Variants in GALNT18 observed in about 807,000 individuals in gnomAD.
GALNT18 encodes the protein GalNAc-transferase 18.
Under a neutral mutation model 69.5 loss-of-function variants are expected in GALNT18, and 44 were observed. The ratio of observed to expected loss-of-function variants is 0.63; its 90% CI spans 0.50 to 0.81. The LOEUF (loss-of-function observed/expected upper bound fraction) is 0.81. Among genes scored for constraint, GALNT18 ranks in the 40% least tolerant of loss-of-function variants. The pLI is 0.00. For synonymous variants in GALNT18, 364 were observed against 318.2 expected, an observed-to-expected ratio of 1.14 and a Z score of -1.53; for missense variants, 715 against 810.0, an observed-to-expected ratio of 0.88 and a Z score of 1.42.
chr11:11,506,264 G>C (rs1386097846), intron 1 of GALNT18, among the ~76,000 whole-genome samples: 4 of 152,208 alleles, frequency 2.6e-5, no homozygotes, highest in Non-Finnish European at 5.9e-5. Context: ...ACATGGTTTT[G>C]CTAGGTCTAA....
At chr11:11,289,157 G>A (rs1295290418) in intron 10 of GALNT18, among the ~76,000 whole-genome samples, 1 of 152,160 alleles carries the variant, frequency 6.6e-6, no homozygotes, top group African/African-American at 2.4e-5. Context: ...TGTCAACAGC[G>A]ACTCCTCACC....
chr11:11,293,110 C>A lies in GALNT18; in HGVS notation c.1596G>T (p.Val532=). ...TGAGCCGGGGCCGGCTGTTGACGTC[C>A]ACCAGGCATCGGTTGTCATCATCAT... ...TVDDDDNRCL[V]DVNSRPRLIE... is the part of the protein sequence containing the mutation. The change falls in exon 10 of 11, where the codon GTG becomes GTT. Residue 532 remains valine, a synonymous_variant. Coordinates refer to ENST00000227756, the MANE Select transcript of GALNT18 (RefSeq NM_198516.3). 1 of 1,378,160 alleles carries A rather than the reference C, an allele frequency of 7.3e-7. No homozygotes were observed. The allele number at this position is 1,378,160 out of a possible 1,614,324, so 85.4% of individuals were successfully genotyped here. A position where few individuals can be genotyped will look rare whatever the true frequency, so the allele number is the denominator to read the frequency against.
intron 6 of GALNT18, chr11:11,352,458 A>G: frequency 6.2e-7 from 1 of 1,614,204 alleles, no homozygotes; most frequent in Non-Finnish European, 8.5e-7. Flanking sequence ...ACTTGCCAGC[A>G]TACAACCCAA....
intron 1 of GALNT18, among the ~76,000 whole-genome samples, chr11:11,517,347 C>G (rs1035761145): frequency 2.0e-5 from 3 of 152,178 alleles, no homozygotes; most frequent in Non-Finnish European, 4.4e-5. Flanking sequence ...TCCACCCACC[C>G]AAACCTACTG....
intron 1 of GALNT18, among the ~76,000 whole-genome samples, chr11:11,518,808 C>T (rs1857335629): frequency 6.6e-6 from 1 of 152,192 alleles, no homozygotes; most frequent in African/African-American, 2.4e-5. Flanking sequence ...GCACTGGACC[C>T]ACCAGCTTCT....
At chr11:11,284,496 A>G (rs769194903) in intron 10 of GALNT18, among the ~76,000 whole-genome samples, 1 of 152,120 alleles carries the variant, frequency 6.6e-6, no homozygotes, top group Non-Finnish European at 1.5e-5. Context: ...CCCTTTCAGG[A>G]AAGGGTTGGG....
At chr11:11,539,998 G>A (rs1172323844) in intron 1 of GALNT18, among the ~76,000 whole-genome samples, 2 of 152,206 alleles carry the variant, frequency 1.3e-5, no homozygotes, top group Non-Finnish European at 2.9e-5. Flanking sequence ...TGGGAAATGA[G>A]GGGAGACGGA....
chr11:11,310,393 T>G (rs11021778), intron 9 of GALNT18, among the ~76,000 whole-genome samples: 1 of 152,116 alleles, frequency 6.6e-6, no homozygotes, highest in Non-Finnish European at 1.5e-5. Flanking sequence ...ACACCTGGAG[T>G]GCCCCAAGAA....
At chr11:11,374,868 C>CA (rs1853702933) in intron 5 of GALNT18, among the ~76,000 whole-genome samples, 1 of 152,222 alleles carries the variant, frequency 6.6e-6, no homozygotes. Flanking sequence ...TTAAAGCAGA[C>CA]ATGAAAGCTT....
At chr11:11,412,718 T>C (rs1854759797) in intron 3 of GALNT18, among the ~76,000 whole-genome samples, 1 of 152,226 alleles carries the variant, frequency 6.6e-6, no homozygotes, top group Admixed American at 6.5e-5. Context: ...TTGTAGCAGA[T>C]GCTGTTGATG....
rs1215164080 is a variant in GALNT18 at position 11,404,754 on chromosome 11, C to T, written c.596-25490G>A. 6.6e-6 allele frequency among the ~76,000 whole-genome samples: 1 copy of T among 152,158 alleles called. No individual in the cohort carries two copies. The highest frequency in any genetic ancestry group is 1.5e-5 in the Non-Finnish European group (1 of 68,026). On this transcript the variant is annotated intron_variant, in intron 3 of 10. Coordinates refer to ENST00000227756, the MANE Select transcript of GALNT18 (RefSeq NM_198516.3). The surrounding 1 kb of genome is among the most constrained non-coding windows in gnomAD (Gnocchi z 4.5). ...CATCCTTTTGACCTCAACCTTCCTC[C>T]CGGCTCCAGCCCCGCACAGACCCTG...
Position 11,595,051 on chromosome 11 carries a change from T to C in GALNT18, c.235+26308A>G, listed in dbSNP as rs1021030317. ...GAATGAATATATACATATATATTCA[T>C]TCCTAGAATTGAAATTACCTGGTCA... On this transcript the variant is annotated intron_variant, in intron 1 of 10. Coordinates refer to ENST00000227756, the MANE Select transcript of GALNT18 (RefSeq NM_198516.3). The surrounding 1 kb of genome is among the most constrained non-coding windows in gnomAD (Gnocchi z 5.2). Among the ~76,000 whole-genome samples, 1 of 151,548 alleles carries C rather than the reference T, an allele frequency of 6.6e-6. No individual in the cohort carries two copies. The highest frequency in any genetic ancestry group is 1.5e-5 in the Non-Finnish European group (1 of 67,894).
chr11:11,491,602 G>A (rs746944608), intron 1 of GALNT18, among the ~76,000 whole-genome samples: 1 of 152,232 alleles, frequency 6.6e-6, no homozygotes, highest in Non-Finnish European at 1.5e-5. Context: ...ATATGGCTAT[G>A]CACAGAGTCC....
intron 3 of GALNT18, among the ~76,000 whole-genome samples, chr11:11,409,393 G>C (rs1854675455): frequency 1.3e-5 from 2 of 152,150 alleles, no homozygotes; most frequent in African/African-American, 4.8e-5. Flanking sequence ...TCTGCTCTCT[G>C]CACAGTCTGG....
chr11:11,351,093 T>C (rs1850391692), intron 6 of GALNT18, among the ~76,000 whole-genome samples: 1 of 152,166 alleles, frequency 6.6e-6, no homozygotes, highest in African/African-American at 2.4e-5. Context: ...AGATGGAGTG[T>C]CTGGAAGGTG....
chr11:11,621,566 A>G lies in GALNT18; in HGVS notation c.28T>C (p.Leu10=), dbSNP rs905621071. ...CTCAGGATCACGCAAGTGGACACCA[A>G]AGTTTTGGTCTTCCTGGTGCACACC... The part of the protein sequence containing the change: MVCTRKTKT[L]VSTCVILSGM... Residue 10 remains leucine (L), a synonymous_variant, in exon 1 of 11, where the codon TTG becomes CTG. Coordinates refer to ENST00000227756, the MANE Select transcript of GALNT18 (RefSeq NM_198516.3). The surrounding 1 kb of genome is among the most constrained non-coding windows in gnomAD (Gnocchi z 9.3). 6.2e-7 allele frequency: 1 copy of G among 1,610,700 alleles called. No homozygotes were observed. Among genetic ancestry groups the G allele is most frequent in the East Asian group, 2.2e-5 (1 of 44,694 alleles).
Position 11,555,358 on chromosome 11 carries a change from C to A in GALNT18, c.235+66001G>T, listed in dbSNP as rs1858306576. On this transcript the variant is annotated intron_variant, in intron 1 of 10. Transcript: ENST00000227756. The surrounding 1 kb of genome is among the most constrained non-coding windows in gnomAD (Gnocchi z 4.7). ...CGTTTGCCAGAAACAGGCTTCTCAT[C>A]TTCCCCAACCCCAGCTTAATCCACG... 6.6e-6 allele frequency among the ~76,000 whole-genome samples: 1 copy of A among 152,222 alleles called. No individual in the cohort carries two copies. Among genetic ancestry groups the A allele is most frequent in the Admixed American group, 6.5e-5 (1 of 15,276 alleles).
Position 11,356,087 on chromosome 11 carries a change from T to G in GALNT18, c.1093-15083A>C, listed in dbSNP as rs1388007224. Among the ~76,000 whole-genome samples, 1 of 152,138 alleles carries G rather than the reference T, an allele frequency of 6.6e-6. No homozygotes were observed. The highest frequency in any genetic ancestry group is 2.4e-5 in the African/African-American group (1 of 41,426). On this transcript the variant is annotated intron_variant, in intron 6 of 10. Transcript: ENST00000227756. This position sits in a 1 kb window ranked among gnomAD's most constrained non-coding sequence, Gnocchi z 4.4. ...CAGCACCTACAGCACTAGAAAAAAA[T>G]GTGCTCACAGGTACCCTGCCCTTTG... is the stretch of plus-strand genomic sequence containing the variant.
intron 1 of GALNT18, among the ~76,000 whole-genome samples, chr11:11,551,868 A>G (rs1311113510): frequency 6.6e-6 from 1 of 152,142 alleles, no homozygotes; most frequent in Non-Finnish European, 1.5e-5. Flanking sequence ...TTCTGCGAGC[A>G]GGGGGTGGAT....
Sources: allele counts gnomAD v4.1 joint callset (sites outside exome capture counted in the v4.1 genomes callset), GRCh38; gene constraint gnomAD v4.1.1; non-coding constraint Gnocchi (gnomAD v3.1); transcripts MANE v1.5; gene names NCBI Gene and HGNC (gene_info 2026-07-23, HGNC 2026-07-21).